The following FXN variants were observed in gnomAD, a reference collection of about 807,000 sequenced individuals.
FXN encodes the protein frataxin, mitochondrial.
A neutral mutation model predicts 22.4 loss-of-function variants in FXN; 14 were observed. The observed-to-expected ratio is 0.62, with a 90% CI of 0.41 to 0.98. The LOEUF (loss-of-function observed/expected upper bound fraction) is 0.98. FXN is among the 50% of genes least tolerant of loss of function. The pLI is 0.00. For missense variants in FXN, 267 were observed against 268.4 expected (o/e 0.99, Z 0.04); for synonymous variants, 120 against 114.1 (o/e 1.05, Z -0.33).
intron 4 of FXN, among the ~76,000 whole-genome samples, chr9:69,072,350 C>G (rs1028368536): frequency 5.3e-5 from 8 of 152,188 alleles, no homozygotes; most frequent in Admixed American, 5.2e-4. Flanking sequence ...AGCTGGAGAT[C>G]AAAGTGTGAT....
intron 3 of FXN, among the ~76,000 whole-genome samples, chr9:69,062,983 A>G (rs1269762425): frequency 6.6e-6 from 1 of 152,118 alleles, no homozygotes; most frequent in Non-Finnish European, 1.5e-5. Context: ...GGATCACTTG[A>G]GGCCAGAAGT....
chr9:69,036,283 C>A (rs928752108), intron 1 of FXN: 1 of 185,906 alleles, frequency 5.4e-6, no homozygotes, highest in Non-Finnish European at 1.1e-5. Context: ...CTTGTCACTT[C>A]TCTGCGATAA....
At chr9:69,056,560 G>C (rs1006431842) in intron 3 of FXN, among the ~76,000 whole-genome samples, 1 of 152,134 alleles carries the variant, frequency 6.6e-6, no homozygotes, top group Non-Finnish European at 1.5e-5. Flanking sequence ...CTGGGAGTTC[G>C]AGGCAGCTGT....
chr9:69,040,407 G>C (rs911662549), intron 1 of FXN, among the ~76,000 whole-genome samples: 2 of 152,200 alleles, frequency 1.3e-5, no homozygotes. Context: ...GGTGGCTCAC[G>C]CCTGTAATCC....
At position 69,077,179 on chromosome 9, in the gene FXN, T is replaced by C. The variant is rs1832386451; in HGVS notation, c.*4417T>C. 1.6e-5 allele frequency: 15 copies of C among 940,236 alleles called. No homozygotes were observed. The highest frequency in any genetic ancestry group is 1.8e-5 in the Non-Finnish European group (14 of 789,136). 58.2% of individuals were successfully genotyped at this position (940,236 alleles called of 1,614,324 possible). ...CACCTGCCTCCGCCTCCCAAAGTGC[T>C]GGGATTACAGGCGTGAGCCACTGCA... On this transcript the variant is annotated 3_prime_UTR_variant, in exon 5 of 5. Transcript: ENST00000484259.
At chr9:69,064,887 ACTTTT>A in intron 3 of FXN, 46 bp from the exon 4 acceptor site, 1 of 1,152,124 alleles carries the variant, frequency 8.7e-7, no homozygotes, top group Non-Finnish European at 1.3e-6. Flanking sequence ...CAAAGTGCTA[ACTTTT>A]TCTTGTTTTA....
intron 2 of FXN, among the ~76,000 whole-genome samples, chr9:69,049,005 A>G (rs1029005894): frequency 7.9e-5 from 12 of 152,138 alleles, no homozygotes; most frequent in Admixed American, 3.9e-4. Flanking sequence ...TTCCTCCCCC[A>G]GCAGACTCTC....
chr9:69,072,177 C>G (rs1832287893), intron 4 of FXN, among the ~76,000 whole-genome samples: 1 of 152,174 alleles, frequency 6.6e-6, no homozygotes, highest in Non-Finnish European at 1.5e-5. Flanking sequence ...GTACTAAATG[C>G]CACCAAATTA....
At chr9:69,062,910 G>A (rs1832102135) in intron 3 of FXN, among the ~76,000 whole-genome samples, 1 of 151,868 alleles carries the variant, frequency 6.6e-6, no homozygotes, top group African/African-American at 2.4e-5. Context: ...AAAAAAAATG[G>A]GGCCGAGTGC....
At chr9:69,043,083 C>T (rs1831686444) in intron 1 of FXN, among the ~76,000 whole-genome samples, 1 of 152,140 alleles carries the variant, frequency 6.6e-6, no homozygotes, top group South Asian at 2.1e-4. Flanking sequence ...GTACCCCTAG[C>T]CTTTTGGGGT....
intron 1 of FXN, among the ~76,000 whole-genome samples, chr9:69,042,122 C>T (rs1461865799): frequency 1.3e-5 from 2 of 151,984 alleles, no homozygotes; most frequent in African/African-American, 4.8e-5. Flanking sequence ...CCTGTAATCC[C>T]AGCTACTCAG....
intron 3 of FXN, among the ~76,000 whole-genome samples, chr9:69,055,819 T>G (rs1010291015): frequency 4.0e-4 from 60 of 151,688 alleles, no homozygotes; most frequent in African/African-American, 1.4e-3. Context: ...TTTACTTCTA[T>G]TGAACTGAAA....
intron 1 of FXN, among the ~76,000 whole-genome samples, chr9:69,041,170 C>T (rs760858976): frequency 2.6e-5 from 4 of 152,204 alleles, no homozygotes; most frequent in African/African-American, 7.2e-5. Context: ...TCTGCCAGCC[C>T]GAATTCTGTT....
In FXN at chr9:69,076,214, C is replaced by T; in HGVS notation, c.*3452C>T. 2.4e-6 allele frequency: 2 copies of T among 848,118 alleles called. No homozygotes were observed. Among genetic ancestry groups the T allele is most frequent in the Non-Finnish European group, 2.7e-6 (2 of 751,300 alleles). 52.5% of individuals were successfully genotyped at this position (848,118 alleles called of 1,614,324 possible). A position where few individuals can be genotyped will look rare whatever the true frequency, so the allele number is the denominator to read the frequency against. ...TGTTTGTAGACACTGACAGTGGCCT[C>T]ATGTTTTTTTTTTTTTTAATCTATA... On this transcript the variant is annotated 3_prime_UTR_variant, in exon 5 of 5. Transcript: ENST00000484259.
intron 3 of FXN, among the ~76,000 whole-genome samples, chr9:69,060,244 G>T (rs775125985): frequency 6.6e-6 from 1 of 152,092 alleles, no homozygotes; most frequent in Non-Finnish European, 1.5e-5. Flanking sequence ...GGTGGTGGGC[G>T]CCTGTAGTCC....
chr9:69,047,414 T>C (rs1436913536), intron 2 of FXN, among the ~76,000 whole-genome samples: 1 of 151,366 alleles, frequency 6.6e-6, no homozygotes, highest in African/African-American at 2.4e-5. Flanking sequence ...CAACTGTAAC[T>C]CCATTCAGAA....
chr9:69,078,579 C>T lies in FXN; in HGVS notation c.*5817C>T. On this transcript the variant is annotated 3_prime_UTR_variant, in exon 5 of 5. Transcript: ENST00000484259. ...TGAAAAATGTGCTTTTCTGACTGAA[C>T]TGTTCAGGCACTGACTCTACATATA... 1 of 985,674 alleles carries T rather than the reference C, an allele frequency of 1.0e-6. No homozygotes were observed. Among genetic ancestry groups the T allele is most frequent in the Non-Finnish European group, 1.2e-6 (1 of 829,946 alleles). 61.1% of individuals were successfully genotyped at this position (985,674 alleles called of 1,614,324 possible). A position where few individuals can be genotyped will look rare whatever the true frequency, so the allele number is the denominator to read the frequency against.
At position 69,076,077 on chromosome 9, in the gene FXN, G is replaced by A. The variant is rs1832361808; in HGVS notation, c.*3315G>A. On this transcript the variant is annotated 3_prime_UTR_variant, in exon 5 of 5. Coordinates refer to ENST00000484259, the MANE Select transcript of FXN (RefSeq NM_000144.5). ...AGCCACATAGAAAATAAAATGTTCTGGCATGACTTATTTAGCTCTCTGGAA... is the reference window on the plus strand; with the variant it reads ...AGCCACATAGAAAATAAAATGTTCTAGCATGACTTATTTAGCTCTCTGGAA... 1 of 984,286 alleles carries A rather than the reference G, an allele frequency of 1.0e-6. No homozygotes were observed. The highest frequency in any genetic ancestry group is 4.7e-5 in the South Asian group (1 of 21,272). The allele number at this position is 984,286 out of a possible 1,614,324, so 61.0% of individuals were successfully genotyped here. A position where few individuals can be genotyped will look rare whatever the true frequency, so the allele number is the denominator to read the frequency against.
At chr9:69,040,830 G>A (rs1183081942) in intron 1 of FXN, among the ~76,000 whole-genome samples, 2 of 152,038 alleles carry the variant, frequency 1.3e-5, no homozygotes, top group African/African-American at 2.4e-5. Flanking sequence ...AGGTATGAGG[G>A]TGGAGCCCAT....
Sources: gnomAD v4.1 joint callset for allele counts (sites outside exome capture counted in the v4.1 genomes callset) on GRCh38, gnomAD v4.1.1 for gene constraint, MANE v1.5 for transcripts, NCBI Gene and HGNC (gene_info 2026-07-23, HGNC 2026-07-21) for gene names.